The following THSD7A variants were observed in gnomAD, a reference collection of about 807,000 sequenced individuals.
THSD7A encodes thrombospondin type-1 domain-containing protein 7A.
Under a neutral mutation model 231.3 loss-of-function variants are expected in THSD7A, and 96 were observed. That is an observed-to-expected ratio of 0.41 (90% CI 0.35 to 0.49). The LOEUF (loss-of-function observed/expected upper bound fraction) is 0.49. THSD7A is among the 20% of genes least tolerant of loss of function. The pLI is 0.05. For synonymous variants in THSD7A, 940 were observed against 743.3 expected, an observed-to-expected ratio of 1.26 and a Z score of -4.30; for missense variants, 2,290 against 2,070.2, an observed-to-expected ratio of 1.11 and a Z score of -2.06.
intron 4 of THSD7A, among the ~76,000 whole-genome samples, chr7:11,589,093 C>A (rs941493294): frequency 6.6e-6 from 1 of 152,140 alleles, no homozygotes; most frequent in African/African-American, 2.4e-5. Context: ...ACATTCATTT[C>A]TCTTGGTTCT....
At chr7:11,576,551 G>A (rs918567476) in intron 4 of THSD7A, among the ~76,000 whole-genome samples, 2 of 152,064 alleles carry the variant, frequency 1.3e-5, no homozygotes, top group African/African-American at 4.8e-5. Flanking sequence ...GTCAAGTGTG[G>A]GATAGACAGT....
chr7:11,634,153 A>C lies in THSD7A; in HGVS notation c.1022+1977T>G, dbSNP rs761842807. 6.6e-6 allele frequency among the ~76,000 whole-genome samples: 1 copy of C among 152,186 alleles called. No individual in the cohort carries two copies. Among genetic ancestry groups the C allele is most frequent in the African/African-American group, 2.4e-5 (1 of 41,452 alleles). On this transcript the variant is annotated intron_variant, in intron 2 of 27. Coordinates refer to ENST00000423059, the MANE Select transcript of THSD7A (RefSeq NM_015204.3). The surrounding 1 kb of genome is among the most constrained non-coding windows in gnomAD (Gnocchi z 4.1). ...TATAATAGAAATATTCACAGCCAATATATTTAACATAAAGTTTAACCTATA... is the reference window on the plus strand; with the variant it reads ...TATAATAGAAATATTCACAGCCAATCTATTTAACATAAAGTTTAACCTATA...
intron 1 of THSD7A, among the ~76,000 whole-genome samples, chr7:11,773,963 TA>T (rs1783319915): frequency 6.6e-6 from 1 of 152,088 alleles, no homozygotes; most frequent in South Asian, 2.1e-4. Context: ...CCAGAAGTTA[TA>T]AATAACCCAA....
At chr7:11,470,540 TTAAGA>T (rs1219309843) in intron 8 of THSD7A, among the ~76,000 whole-genome samples, 2 of 151,788 alleles carry the variant, frequency 1.3e-5, no homozygotes, top group African/African-American at 4.8e-5. Context: ...TTAATAATAA[TTAAGA>T]TAATAAAACT....
At chr7:11,698,165 T>G (rs567574736) in intron 1 of THSD7A, among the ~76,000 whole-genome samples, 6 of 151,440 alleles carry the variant, frequency 4.0e-5, no homozygotes, top group Non-Finnish European at 8.9e-5. Flanking sequence ...TATGATACGA[T>G]TATTTCTTTG....
intron 1 of THSD7A, among the ~76,000 whole-genome samples, chr7:11,698,897 CTTTA>C (rs1780483117): frequency 6.6e-6 from 1 of 150,674 alleles, no homozygotes; most frequent in Admixed American, 6.6e-5. Context: ...TGTAGCATAA[CTTTA>C]TTTCTTATTC....
intron 1 of THSD7A, among the ~76,000 whole-genome samples, chr7:11,769,153 A>ATATATATTTTTTTTTTTTTTT: frequency 3.6e-5 from 1 of 27,660 alleles, no homozygotes; most frequent in African/African-American, 1.2e-4. Flanking sequence ...ATATATATAT[A>ATATATATTTTTTTTTTTTTTT]TTTTTTTTTT....
chr7:11,826,161 G>A (rs954942854), intron 1 of THSD7A, among the ~76,000 whole-genome samples: 2 of 152,162 alleles, frequency 1.3e-5, no homozygotes, highest in Non-Finnish European at 2.9e-5. Context: ...CACACTGACT[G>A]TCAGTAATAG....
intron 1 of THSD7A, among the ~76,000 whole-genome samples, chr7:11,667,367 G>C (rs1783180890): frequency 6.6e-6 from 1 of 152,008 alleles, no homozygotes; most frequent in Non-Finnish European, 1.5e-5. Context: ...AATTCTTTTA[G>C]ATTTTCTTGT....
At chr7:11,387,015 G>T (rs886808792) in intron 23 of THSD7A, among the ~76,000 whole-genome samples, 1 of 152,118 alleles carries the variant, frequency 6.6e-6, no homozygotes, top group South Asian at 2.1e-4. Flanking sequence ...AAGGTCAGAT[G>T]GTTGTAGATG....
intron 6 of THSD7A, among the ~76,000 whole-genome samples, chr7:11,510,521 C>G (rs539742305): frequency 6.6e-6 from 1 of 152,202 alleles, no homozygotes; most frequent in East Asian, 1.9e-4. Flanking sequence ...TGAAAAAATC[C>G]TCAATAAAAT....
chr7:11,826,175 T>C (rs1262527809), intron 1 of THSD7A, among the ~76,000 whole-genome samples: 2 of 152,326 alleles, frequency 1.3e-5, no homozygotes, highest in South Asian at 4.1e-4. Context: ...GTAATAGTAA[T>C]GTCCTGCATT....
At chr7:11,484,657 A>T in intron 6 of THSD7A, among the ~76,000 whole-genome samples, 1 of 152,096 alleles carries the variant, frequency 6.6e-6, no homozygotes, top group East Asian at 1.9e-4. Flanking sequence ...GGAAGCACTA[A>T]ATCATTTTTT....
Position 11,590,788 on chromosome 7 carries a change from G to A in THSD7A, c.1272-147C>T, listed in dbSNP as rs1445357168. ...TAGACTACATCTATGGTGCATATTTGGTTTCAACTCCTTTATGCTCTGCAG... is the reference window on the plus strand; with the variant it reads ...TAGACTACATCTATGGTGCATATTTAGTTTCAACTCCTTTATGCTCTGCAG... On this transcript the variant is annotated intron_variant, in intron 3 of 27. Transcript: ENST00000423059. The surrounding 1 kb of genome is among the most constrained non-coding windows in gnomAD (Gnocchi z 4.4). 1.1e-6 allele frequency: 1 copy of A among 912,472 alleles called. No individual in the cohort carries two copies. Among genetic ancestry groups the A allele is most frequent in the African/African-American group, 1.7e-5 (1 of 59,002 alleles). The allele number at this position is 912,472 out of a possible 1,614,324, so 56.5% of individuals were successfully genotyped here.
chr7:11,813,296 T>C (rs1335287948), intron 1 of THSD7A, among the ~76,000 whole-genome samples: 1 of 152,206 alleles, frequency 6.6e-6, no homozygotes, highest in Non-Finnish European at 1.5e-5. Context: ...ATGAATTAGG[T>C]CCCCTAAAAC....
chr7:11,747,072 G>A (rs940015541), intron 1 of THSD7A, among the ~76,000 whole-genome samples: 15 of 151,852 alleles, frequency 9.9e-5, no homozygotes, highest in African/African-American at 3.6e-4. Context: ...TAATAGAAAA[G>A]ACATGTATTT....
intron 1 of THSD7A, among the ~76,000 whole-genome samples, chr7:11,809,114 T>A (rs140940141): frequency 6.6e-6 from 1 of 152,182 alleles, no homozygotes; most frequent in Non-Finnish European, 1.5e-5. Context: ...ATATAATACA[T>A]GTTGAGTTAA....
intron 1 of THSD7A, among the ~76,000 whole-genome samples, chr7:11,648,054 T>A (rs1290131105): frequency 1.3e-5 from 2 of 152,106 alleles, no homozygotes; most frequent in African/African-American, 4.8e-5. Flanking sequence ...TGAACACTCA[T>A]ATGCAATTTA....
intron 6 of THSD7A, among the ~76,000 whole-genome samples, chr7:11,488,610 G>C (rs546462294): frequency 6.6e-6 from 1 of 151,888 alleles, no homozygotes; most frequent in Non-Finnish European, 1.5e-5. Flanking sequence ...TACAAATCTC[G>C]AATCCATTTT....
Sources: gnomAD v4.1 joint callset for allele counts (sites outside exome capture counted in the v4.1 genomes callset) on GRCh38, gnomAD v4.1.1 for gene constraint, Gnocchi (gnomAD v3.1) non-coding constraint, MANE v1.5 for transcripts, NCBI Gene and HGNC (gene_info 2026-07-23, HGNC 2026-07-21) for gene names.